ASAP1: variants seen among roughly 807,000 people sequenced by gnomAD.
ASAP1 encodes the protein arf-GAP with SH3 domain, ANK repeat and PH domain-containing protein 1.
In ASAP1, 43 loss-of-function variants were observed where a neutral mutation model predicts 145.2. That is an observed-to-expected ratio of 0.30 (90% CI 0.23 to 0.38). The LOEUF (loss-of-function observed/expected upper bound fraction) is 0.38. Among genes scored for constraint, ASAP1 ranks in the 10% least tolerant of loss-of-function variants. ASAP1 has a pLI of 1.00. For missense variants in ASAP1, 1,018 were observed against 1,355.3 expected, an observed-to-expected ratio of 0.75 and a Z score of 3.91; for synonymous variants, 546 against 515.5, an observed-to-expected ratio of 1.06 and a Z score of -0.80.
intron 25 of ASAP1, among the ~76,000 whole-genome samples, chr8:130,084,981 A>G (rs2097489573): frequency 6.6e-6 from 1 of 152,160 alleles, no homozygotes; most frequent in Non-Finnish European, 1.5e-5. Flanking sequence ...CCCAGTGACC[A>G]AAGATGAGGA....
chr8:130,060,570 C>T lies in ASAP1; in HGVS notation c.3192+9G>A, dbSNP rs371866696. The T allele has an allele frequency of 2.0e-5, 32 of 1,600,026 alleles. No individual in the cohort carries two copies. The highest frequency in any genetic ancestry group is 1.7e-4 in the Middle Eastern group (1 of 5,966). On this transcript the variant is annotated intron_variant, in intron 28 of 29. Transcript: ENST00000518721. ...GGGTTCCTAAGGGCCTGAACATTGT[C>T]CCACCCACCGTATTGATTTTTCTGG... is the stretch of plus-strand genomic sequence containing the variant.
intron 4 of ASAP1, among the ~76,000 whole-genome samples, chr8:130,230,735 T>G (rs575700617): frequency 5.2e-4 from 79 of 152,264 alleles, no homozygotes; most frequent in Non-Finnish European, 8.1e-4. Flanking sequence ...TCAAAAAGAT[T>G]TTTTAAAAAA....
chr8:130,058,108 G>A (rs781152936), intron 28 of ASAP1, 32 bp from the exon 29 acceptor site: 6 of 1,603,896 alleles, frequency 3.7e-6, no homozygotes, highest in South Asian at 1.1e-5. Flanking sequence ...TTAATTGAAA[G>A]AATGGACTGA....
At chr8:130,161,268 T>G (rs542629009) in intron 11 of ASAP1, among the ~76,000 whole-genome samples, 1 of 152,194 alleles carries the variant, frequency 6.6e-6, no homozygotes, top group African/African-American at 2.4e-5. Context: ...TGAAATGTGA[T>G]AGTGTCGAGG....
intron 3 of ASAP1, among the ~76,000 whole-genome samples, chr8:130,289,190 C>T (rs950875455): frequency 6.6e-6 from 1 of 150,546 alleles, no homozygotes; most frequent in Non-Finnish European, 1.5e-5. Flanking sequence ...CATCTCAAAA[C>T]AAAAAACAAA....
At chr8:130,126,820 C>A (rs1001025091) in intron 16 of ASAP1, among the ~76,000 whole-genome samples, 2 of 152,146 alleles carry the variant, frequency 1.3e-5, no homozygotes, top group Non-Finnish European at 2.9e-5. Flanking sequence ...TGTAGAAAAT[C>A]CAGTTTCACA....
At chr8:130,440,463 T>C (rs924557648) in intron 1 of ASAP1, among the ~76,000 whole-genome samples, 1 of 149,558 alleles carries the variant, frequency 6.7e-6, no homozygotes, top group African/African-American at 2.5e-5. Context: ...GCTGAGATCA[T>C]GCCACTGCAC....
chr8:130,394,309 A>C (rs1032848034), intron 2 of ASAP1, among the ~76,000 whole-genome samples: 2 of 152,138 alleles, frequency 1.3e-5, no homozygotes, highest in African/African-American at 4.8e-5. Flanking sequence ...GGTCTCTGAA[A>C]TGGCCCCCTT....
chr8:130,072,820 T>TGTGTGTGTGTGTGTGTGTGTGC (rs1554816346), intron 27 of ASAP1, among the ~76,000 whole-genome samples: 1 of 22,056 alleles, frequency 4.5e-5, no homozygotes, highest in Admixed American at 7.2e-4. Flanking sequence ...TGTGTGTGTG[T>TGTGTGTGTGTGTGTGTGTGTGC]GTGTGCGCGC....
At chr8:130,065,946 T>C (rs17195950) in intron 27 of ASAP1, among the ~76,000 whole-genome samples, 8,466 of 152,258 alleles carry the variant, frequency 0.056, 324 homozygotes, top group Non-Finnish European at 0.082. Context: ...ATCCAGTTCC[T>C]TCTTGGGCCG....
At chr8:130,083,885 C>T (rs1306383109) in intron 25 of ASAP1, 4 of 152,138 alleles carry the variant, frequency 2.6e-5, no homozygotes, top group Admixed American at 1.3e-4. Context: ...CCTCTGCCTC[C>T]TAGGTTCACT....
chr8:130,278,868 T>C (rs536970357), intron 3 of ASAP1, among the ~76,000 whole-genome samples: 1 of 152,322 alleles, frequency 6.6e-6, no homozygotes, highest in East Asian at 1.9e-4. Flanking sequence ...TACTTTTAAG[T>C]CTTTTCATAA....
At chr8:130,368,422 T>C (rs1482429142) in intron 2 of ASAP1, among the ~76,000 whole-genome samples, 1 of 152,190 alleles carries the variant, frequency 6.6e-6, no homozygotes, top group Non-Finnish European at 1.5e-5. Context: ...ACTGACTACA[T>C]TGTCTGTCTC....
chr8:130,334,109 G>A (rs908003898), intron 3 of ASAP1, among the ~76,000 whole-genome samples: 1 of 152,184 alleles, frequency 6.6e-6, no homozygotes, highest in African/African-American at 2.4e-5. Flanking sequence ...GAAAATGCAA[G>A]AGGCTTCCAG....
At chr8:130,418,588 T>G (rs114359132) in intron 1 of ASAP1, among the ~76,000 whole-genome samples, 4,004 of 151,762 alleles carry the variant, frequency 0.026, 191 homozygotes, top group African/African-American at 0.093. Context: ...AAGTGTACAA[T>G]TCAATGGTTT....
intron 15 of ASAP1, among the ~76,000 whole-genome samples, chr8:130,128,583 A>G (rs1253580147): frequency 1.3e-5 from 2 of 152,204 alleles, no homozygotes; most frequent in Non-Finnish European, 2.9e-5. Flanking sequence ...AAATGAAGGG[A>G]TATTTCATTA....
chr8:130,098,047 G>T lies in ASAP1; in HGVS notation c.2402-5904C>A, dbSNP rs142761214. ...ATTTTCTGGAGCTACCATTTACTGA[G>T]TATTATGTGCTTGAGCTAAAACACA... On this transcript the variant is annotated intron_variant, in intron 24 of 29. Transcript: ENST00000518721. Among the ~76,000 whole-genome samples the T allele has an allele frequency of 6.4e-3, 974 of 152,238 alleles. 6 individuals are homozygous for T. Among genetic ancestry groups the T allele is most frequent in the Middle Eastern group, 0.017 (5 of 294 alleles).
At chr8:130,248,823 G>A (rs1819016093) in intron 3 of ASAP1, among the ~76,000 whole-genome samples, 1 of 152,038 alleles carries the variant, frequency 6.6e-6, no homozygotes, top group Non-Finnish European at 1.5e-5. Context: ...CACAGTGATG[G>A]CACAAAGATG....
intron 1 of ASAP1, among the ~76,000 whole-genome samples, chr8:130,418,307 T>C (rs1335566292): frequency 1.3e-5 from 2 of 152,184 alleles, no homozygotes; most frequent in African/African-American, 2.4e-5. Context: ...CCCAGCACTT[T>C]GGGAGGGCCA....
Sources: gnomAD v4.1 joint callset for allele counts (sites outside exome capture counted in the v4.1 genomes callset) on GRCh38, gnomAD v4.1.1 for gene constraint, MANE v1.5 for transcripts, NCBI Gene and HGNC (gene_info 2026-07-23, HGNC 2026-07-21) for gene names.